HDAC9: variants seen among roughly 807,000 people sequenced by gnomAD.
HDAC9 encodes MEF-2 interacting transcription repressor (MITR) protein.
Under a neutral mutation model 139.4 loss-of-function variants are expected in HDAC9, and 41 were observed. The ratio of observed to expected loss-of-function variants is 0.29; its 90% CI spans 0.23 to 0.38. HDAC9 has a LOEUF of 0.38. HDAC9 is among the 10% of genes least tolerant of loss of function. HDAC9 has a pLI of 1.00. For synonymous variants in HDAC9, 517 were observed against 476.2 expected, an observed-to-expected ratio of 1.09 and a Z score of -1.12; for missense variants, 1,147 against 1,297.0, an observed-to-expected ratio of 0.88 and a Z score of 1.78.
intron 1 of HDAC9, among the ~76,000 whole-genome samples, chr7:18,415,282 T>C (rs574880963): frequency 6.6e-6 from 1 of 152,374 alleles, no homozygotes; most frequent in African/African-American, 2.4e-5. Flanking sequence ...ATGGGGCTGA[T>C]GTTAAGCCAG....
At chr7:18,207,431 G>A (rs1244666420) in intron 2 of HDAC9, among the ~76,000 whole-genome samples, 1 of 151,156 alleles carries the variant, frequency 6.6e-6, no homozygotes, top group Non-Finnish European at 1.5e-5. Flanking sequence ...AATAAAGATA[G>A]GTTCTCACTC....
intron 1 of HDAC9, among the ~76,000 whole-genome samples, chr7:18,461,102 G>A (rs766901205): frequency 6.6e-5 from 10 of 152,200 alleles, no homozygotes; most frequent in Admixed American, 1.3e-4. Flanking sequence ...CAAATCTTGC[G>A]TATGTGTACG....
intron 1 of HDAC9, among the ~76,000 whole-genome samples, chr7:18,486,326 CA>C (rs1795973181): frequency 6.6e-6 from 1 of 152,016 alleles, no homozygotes; most frequent in African/African-American, 2.4e-5. Flanking sequence ...TATCTGAAGC[CA>C]AAGTTTCCAC....
At chr7:18,985,173 C>G (rs1290440445) in intron 25 of HDAC9, among the ~76,000 whole-genome samples, 2 of 152,060 alleles carry the variant, frequency 1.3e-5, no homozygotes, top group African/African-American at 4.8e-5. Flanking sequence ...GCTGCACCCA[C>G]TAATTCGTCA....
intron 2 of HDAC9, among the ~76,000 whole-genome samples, chr7:18,276,316 G>A (rs1020349043): frequency 6.6e-6 from 1 of 152,204 alleles, no homozygotes; most frequent in Non-Finnish European, 1.5e-5. Context: ...CCAAGAGCAA[G>A]TGTGGTATTG....
chr7:18,509,413 C>G, intron 2 of HDAC9: 2 of 985,434 alleles, frequency 2.0e-6, no homozygotes, highest in Non-Finnish European at 2.4e-6. Context: ...GGCCAACGTG[C>G]TTTGTGGATT....
chr7:18,246,552 T>C (rs1794547317), intron 2 of HDAC9, among the ~76,000 whole-genome samples: 1 of 152,046 alleles, frequency 6.6e-6, no homozygotes, highest in South Asian at 2.1e-4. Context: ...TTCCTAATCT[T>C]CTTTCTACTT....
intron 12 of HDAC9, among the ~76,000 whole-genome samples, chr7:18,716,599 T>A (rs1377638283): frequency 6.6e-6 from 1 of 151,314 alleles, no homozygotes; most frequent in East Asian, 1.9e-4. Flanking sequence ...TATTTTCTCC[T>A]GGAACCTTTA....
chr7:18,982,479 G>T (rs186957495), intron 25 of HDAC9, among the ~76,000 whole-genome samples: 84 of 151,898 alleles, frequency 5.5e-4, no homozygotes, highest in Middle Eastern at 6.8e-3. Context: ...TTCCAACAAT[G>T]ACCTTAATTA....
intron 1 of HDAC9, among the ~76,000 whole-genome samples, chr7:18,160,462 G>A (rs1360848705): frequency 6.6e-6 from 1 of 152,116 alleles, no homozygotes; most frequent in East Asian, 1.9e-4. Flanking sequence ...GAAGCAGATA[G>A]CATCTCAGTT....
intron 2 of HDAC9, among the ~76,000 whole-genome samples, chr7:18,212,533 G>T (rs1025077748): frequency 6.6e-6 from 1 of 152,140 alleles, no homozygotes; most frequent in Non-Finnish European, 1.5e-5. Flanking sequence ...CATTTAATAT[G>T]TTATTTAGCC....
At chr7:18,421,971 C>T in intron 1 of HDAC9, among the ~76,000 whole-genome samples, 1 of 152,236 alleles carries the variant, frequency 6.6e-6, no homozygotes, top group East Asian at 1.9e-4. Context: ...TCTGTGACTG[C>T]CATTGTGTGT....
intron 25 of HDAC9, among the ~76,000 whole-genome samples, chr7:18,979,141 A>T (rs1400297766): frequency 6.6e-6 from 1 of 152,162 alleles, no homozygotes; most frequent in Non-Finnish European, 1.5e-5. Flanking sequence ...TAATACAGAA[A>T]CATGAGAAAA....
intron 21 of HDAC9, among the ~76,000 whole-genome samples, chr7:18,864,351 A>G (rs775814810): frequency 1.3e-5 from 2 of 152,200 alleles, no homozygotes; most frequent in African/African-American, 2.4e-5. Flanking sequence ...AGACAGTGCA[A>G]TGGTTGCCAG....
intron 1 of HDAC9, among the ~76,000 whole-genome samples, chr7:18,310,870 G>A (rs1799271268): frequency 6.7e-6 from 1 of 149,846 alleles, no homozygotes; most frequent in Admixed American, 6.7e-5. Flanking sequence ...AATTGCTGAG[G>A]GCCGCTAAAT....
chr7:18,247,482 G>A (rs1423175772), intron 2 of HDAC9, among the ~76,000 whole-genome samples: 3 of 152,068 alleles, frequency 2.0e-5, no homozygotes, highest in African/African-American at 7.2e-5. Flanking sequence ...GTTGGCTTTA[G>A]CAGATTGTGG....
chr7:18,460,906 C>T (rs954924640), intron 1 of HDAC9, among the ~76,000 whole-genome samples: 3 of 151,754 alleles, frequency 2.0e-5, no homozygotes, highest in African/African-American at 4.8e-5. Flanking sequence ...TTAAAACAAC[C>T]TAATGATCTA....
chr7:18,766,088 C>A (rs1789809010), intron 15 of HDAC9, among the ~76,000 whole-genome samples: 1 of 152,128 alleles, frequency 6.6e-6, no homozygotes, highest in Non-Finnish European at 1.5e-5. Context: ...CTACTATAAA[C>A]CTGTTTTCAA....
In HDAC9 at chr7:18,999,641, G is replaced by C. The variant is rs1344746608; in HGVS notation, c.*3579G>C. The C allele has an allele frequency of 1.3e-5, 2 of 152,110 alleles. No homozygotes were observed. Among genetic ancestry groups the C allele is most frequent in the Non-Finnish European group, 2.9e-5 (2 of 68,066 alleles). 9.4% of individuals were successfully genotyped at this position (152,110 alleles called of 1,614,324 possible). On this transcript the variant is annotated 3_prime_UTR_variant, in exon 26 of 26. Transcript: ENST00000686413. ...TTTAGTAGAGACGGGGTTTCTCCATGTTGGTCAGGCTGGTCTCAAACTCCC... is the reference window on the plus strand; with the variant it reads ...TTTAGTAGAGACGGGGTTTCTCCATCTTGGTCAGGCTGGTCTCAAACTCCC...
Sources: allele counts gnomAD v4.1 joint callset (sites outside exome capture counted in the v4.1 genomes callset), GRCh38; gene constraint gnomAD v4.1.1; transcripts MANE v1.5; gene names NCBI Gene and HGNC (gene_info 2026-07-23, HGNC 2026-07-21).